The following NAALADL2 variants were observed in gnomAD, a reference collection of about 807,000 sequenced individuals.
NAALADL2 encodes the protein N-acetylated alpha-linked acidic dipeptidase like 2.
A neutral mutation model predicts 87.2 loss-of-function variants in NAALADL2; 76 were observed. That is an observed-to-expected ratio of 0.87 (90% confidence interval 0.72 to 1.05). NAALADL2 has a LOEUF of 1.05. NAALADL2 is among the 50% of genes least tolerant of loss of function. NAALADL2 has a pLI of 0.00. For synonymous variants in NAALADL2, 354 were observed against 331.0 expected (o/e 1.07, Z -0.75); for missense variants, 1,089 against 945.8 (o/e 1.15, Z -1.99).
At chr3:174,551,818 T>C (rs941624669) in intron 2 of NAALADL2, among the ~76,000 whole-genome samples, 2 of 152,232 alleles carry the variant, frequency 1.3e-5, no homozygotes, top group African/African-American at 4.8e-5. Flanking sequence ...AGCTTTTTCA[T>C]GCTGAGTTTT....
chr3:175,780,379 A>G (rs1750882984), intron 13 of NAALADL2, among the ~76,000 whole-genome samples: 1 of 152,138 alleles, frequency 6.6e-6, no homozygotes, highest in Admixed American at 6.5e-5. Context: ...CACAAACAGT[A>G]TGTGTATACG....
At chr3:174,607,902 C>T (rs1455313665) in intron 2 of NAALADL2, among the ~76,000 whole-genome samples, 1 of 151,774 alleles carries the variant, frequency 6.6e-6, no homozygotes, top group Non-Finnish European at 1.5e-5. Flanking sequence ...CCAAAATTGA[C>T]CACATACTTG....
Position 175,805,240 on chromosome 3 carries a change from A to C in NAALADL2, c.*2037A>C, listed in dbSNP as rs1754598353. 6.6e-6 allele frequency: 1 copy of C among 151,920 alleles called. No homozygotes were observed. The highest frequency in any genetic ancestry group is 6.6e-5 in the Admixed American group (1 of 15,202). The allele number at this position is 151,920 out of a possible 1,614,324, so 9.4% of individuals were successfully genotyped here. On this transcript the variant is annotated 3_prime_UTR_variant, in exon 14 of 14. Coordinates refer to ENST00000454872, the MANE Select transcript of NAALADL2 (RefSeq NM_207015.3). ...TATTTTAGAACAAATTTCTAAATTAATTTATTCCCATAACCTACAATAGCA... is the reference window on the plus strand; with the variant it reads ...TATTTTAGAACAAATTTCTAAATTACTTTATTCCCATAACCTACAATAGCA...
chr3:174,695,765 T>C (rs1728958249), intron 2 of NAALADL2, among the ~76,000 whole-genome samples: 2 of 152,024 alleles, frequency 1.3e-5, no homozygotes, highest in Admixed American at 1.3e-4. Flanking sequence ...GCAATGCAAT[T>C]TCCTACCATA....
At chr3:175,268,440 G>A (rs1439726565) in intron 4 of NAALADL2, among the ~76,000 whole-genome samples, 1 of 152,050 alleles carries the variant, frequency 6.6e-6, no homozygotes, top group Non-Finnish European at 1.5e-5. Context: ...GAATGTGAAG[G>A]CCTAGGACCT....
chr3:174,685,753 G>A (rs1199315681), intron 2 of NAALADL2, among the ~76,000 whole-genome samples: 7 of 151,978 alleles, frequency 4.6e-5, no homozygotes, highest in Non-Finnish European at 7.4e-5. Context: ...TTAGTGTACC[G>A]ATTATTTCAT....
intron 13 of NAALADL2, among the ~76,000 whole-genome samples, chr3:175,758,700 A>T (rs530428186): frequency 6.6e-6 from 1 of 152,250 alleles, no homozygotes; most frequent in Non-Finnish European, 1.5e-5. Context: ...GCTAATGAAA[A>T]GTAGATTGAT....
intron 3 of NAALADL2, among the ~76,000 whole-genome samples, chr3:175,238,730 G>A (rs1242055528): frequency 2.0e-5 from 3 of 152,038 alleles, no homozygotes; most frequent in African/African-American, 4.8e-5. Flanking sequence ...TAGATAAGGC[G>A]CTGGTGATTT....
chr3:175,406,352 C>T (rs1342857779), intron 5 of NAALADL2, among the ~76,000 whole-genome samples: 1 of 152,182 alleles, frequency 6.6e-6, no homozygotes, highest in Non-Finnish European at 1.5e-5. Context: ...TGAGTACTGT[C>T]ACTCCTGACT....
chr3:175,671,656 G>A (rs1027105910), intron 11 of NAALADL2, among the ~76,000 whole-genome samples: 1 of 151,914 alleles, frequency 6.6e-6, no homozygotes, highest in African/African-American at 2.4e-5. Context: ...GCTTGCTAGA[G>A]TAAGTGGCTA....
chr3:174,746,984 A>T (rs1482792247), intron 3 of NAALADL2, among the ~76,000 whole-genome samples: 1 of 152,198 alleles, frequency 6.6e-6, no homozygotes, highest in Non-Finnish European at 1.5e-5. Flanking sequence ...CCCTACAAGA[A>T]AATCTAGGCA....
chr3:175,606,947 C>T (rs964683774), intron 10 of NAALADL2, among the ~76,000 whole-genome samples: 1 of 152,002 alleles, frequency 6.6e-6, no homozygotes, highest in Non-Finnish European at 1.5e-5. Context: ...AATTGAGTTG[C>T]TTGTATTTAT....
chr3:174,696,374 G>A (rs1051498871), intron 2 of NAALADL2, among the ~76,000 whole-genome samples: 1 of 151,866 alleles, frequency 6.6e-6, no homozygotes, highest in Non-Finnish European at 1.5e-5. Flanking sequence ...GGTGTCTATT[G>A]ATGTACATAA....
intron 5 of NAALADL2, among the ~76,000 whole-genome samples, chr3:175,422,550 A>C (rs1364604237): frequency 6.6e-6 from 1 of 151,980 alleles, no homozygotes; most frequent in Non-Finnish European, 1.5e-5. Context: ...TCCTCCGCCA[A>C]CCTAGAAATC....
intron 1 of NAALADL2, among the ~76,000 whole-genome samples, chr3:174,915,698 G>A (rs6445185): frequency 0.37 from 56,461 of 151,902 alleles, 11,363 homozygotes; most frequent in African/African-American, 0.53. Flanking sequence ...GAAAAAAAGC[G>A]TAAGCTAATT....
intron 2 of NAALADL2, among the ~76,000 whole-genome samples, chr3:175,227,485 C>A (rs950594967): frequency 6.6e-6 from 1 of 151,850 alleles, no homozygotes; most frequent in Non-Finnish European, 1.5e-5. Context: ...AAATAAATAC[C>A]GTGTGATTTT....
chr3:175,557,564 C>T (rs1715492030), intron 9 of NAALADL2, among the ~76,000 whole-genome samples: 1 of 152,132 alleles, frequency 6.6e-6, no homozygotes, highest in African/African-American at 2.4e-5. Flanking sequence ...ACTACCGTTC[C>T]CAGCCTCTGG....
intron 9 of NAALADL2, among the ~76,000 whole-genome samples, chr3:175,569,237 T>G (rs1325385610): frequency 1.3e-5 from 2 of 152,162 alleles, no homozygotes; most frequent in Admixed American, 6.5e-5. Flanking sequence ...ATCTATAAAG[T>G]TCTAAACTAA....
chr3:174,773,628 A>G (rs1322132825), intron 3 of NAALADL2, among the ~76,000 whole-genome samples: 1 of 152,178 alleles, frequency 6.6e-6, no homozygotes, highest in Non-Finnish European at 1.5e-5. Context: ...ATAAATGTCT[A>G]TCTCATATAT....
Sources: allele counts gnomAD v4.1 joint callset (sites outside exome capture counted in the v4.1 genomes callset), GRCh38; gene constraint gnomAD v4.1.1; transcripts MANE v1.5; gene names NCBI Gene and HGNC (gene_info 2026-07-23, HGNC 2026-07-21).